CDK14: variants seen among roughly 807,000 people sequenced by gnomAD.
CDK14 encodes the protein cyclin-dependent kinase 14.
Under a neutral mutation model 60.7 loss-of-function variants are expected in CDK14, and 34 were observed. The ratio of observed to expected loss-of-function variants is 0.56; its 90% CI spans 0.43 to 0.75. The LOEUF (loss-of-function observed/expected upper bound fraction) is 0.75. CDK14 is among the 30% of genes least tolerant of loss of function. The probability of loss-of-function intolerance (pLI) is 0.00; values close to 1 mark genes in which losing one functional copy is unlikely to be tolerated. For synonymous variants in CDK14, 197 were observed against 203.7 expected (o/e 0.97, Z 0.28); for missense variants, 482 against 564.1 (o/e 0.85, Z 1.47).
intron 3 of CDK14, among the ~76,000 whole-genome samples, chr7:90,734,162 T>C (rs550756701): frequency 2.6e-5 from 4 of 152,386 alleles, no homozygotes; most frequent in Middle Eastern, 6.8e-3. Flanking sequence ...CTTGTAGGGT[T>C]TCTGCTGAGA....
At chr7:90,703,437 G>T (rs188644430) in intron 2 of CDK14, among the ~76,000 whole-genome samples, 9 of 152,214 alleles carry the variant, frequency 5.9e-5, no homozygotes, top group African/African-American at 2.2e-4. Flanking sequence ...AAACTGTGCC[G>T]TGCCCATGTG....
intron 2 of CDK14, among the ~76,000 whole-genome samples, chr7:90,643,891 A>AAATC (rs1800402950): frequency 6.6e-6 from 1 of 152,316 alleles, no homozygotes; most frequent in Non-Finnish European, 1.5e-5. Flanking sequence ...GAAACGATAT[A>AAATC]AATCAGATGG....
At chr7:90,754,455 C>T (rs1803975532) in intron 4 of CDK14, among the ~76,000 whole-genome samples, 1 of 152,154 alleles carries the variant, frequency 6.6e-6, no homozygotes, top group Non-Finnish European at 1.5e-5. Context: ...GGATCCCTCC[C>T]TTTCACCATA....
intron 12 of CDK14, 45 bp from the exon 13 acceptor site, chr7:91,112,497 A>C: frequency 6.4e-7 from 1 of 1,571,052 alleles, no homozygotes; most frequent in Non-Finnish European, 8.7e-7. Context: ...TATTTAGTGG[A>C]TTTTCTTGTT....
chr7:90,719,207 A>G (rs58617587), intron 2 of CDK14, among the ~76,000 whole-genome samples: 23,830 of 152,154 alleles, frequency 0.16, 1,973 homozygotes, highest in South Asian at 0.18. Flanking sequence ...TCAAAAGAGC[A>G]TGACCTAGCT....
intron 10 of CDK14, among the ~76,000 whole-genome samples, chr7:91,026,236 A>G (rs1052422559): frequency 6.6e-6 from 1 of 152,174 alleles, no homozygotes; most frequent in Non-Finnish European, 1.5e-5. Flanking sequence ...CGGAGAGACA[A>G]TGAGGAGAGC....
chr7:90,847,926 C>T (rs1375929606), intron 5 of CDK14, among the ~76,000 whole-genome samples: 1 of 152,166 alleles, frequency 6.6e-6, no homozygotes, highest in Non-Finnish European at 1.5e-5. Flanking sequence ...ACCACAATAA[C>T]TCTGACCTCA....
intron 10 of CDK14, among the ~76,000 whole-genome samples, chr7:90,995,157 G>A (rs907713335): frequency 6.6e-6 from 1 of 152,128 alleles, no homozygotes; most frequent in African/African-American, 2.4e-5. Context: ...GAGACTAGGT[G>A]ACAAAATGAT....
At chr7:90,607,264 A>G (rs563819286) in intron 2 of CDK14, among the ~76,000 whole-genome samples, 11 of 152,198 alleles carry the variant, frequency 7.2e-5, no homozygotes, top group Non-Finnish European at 1.6e-4. Flanking sequence ...GGGGAACTCT[A>G]CAGTCCATTG....
intron 12 of CDK14, chr7:91,107,813 T>C (rs2116336097): frequency 6.6e-6 from 1 of 152,370 alleles, no homozygotes; most frequent in Non-Finnish European, 1.5e-5. Flanking sequence ...GGCTACCTGA[T>C]GCAATTGCTT....
chr7:90,619,450 T>C (rs1799722329), intron 2 of CDK14, among the ~76,000 whole-genome samples: 1 of 152,250 alleles, frequency 6.6e-6, no homozygotes, highest in African/African-American at 2.4e-5. Context: ...TTTTGTCTCT[T>C]GATACCTGCA....
intron 2 of CDK14, among the ~76,000 whole-genome samples, chr7:90,627,490 G>A (rs1298258559): frequency 1.3e-5 from 2 of 152,154 alleles, no homozygotes; most frequent in African/African-American, 2.4e-5. Flanking sequence ...TGGGATTACA[G>A]GCATGAGCCA....
At chr7:90,889,684 G>A (rs1251049428) in intron 6 of CDK14, among the ~76,000 whole-genome samples, 2 of 152,216 alleles carry the variant, frequency 1.3e-5, no homozygotes, top group African/African-American at 2.4e-5. Context: ...TAGGGAATAT[G>A]TATGTGGTAT....
At chr7:90,853,557 A>G (rs1029956328) in intron 5 of CDK14, among the ~76,000 whole-genome samples, 3 of 152,080 alleles carry the variant, frequency 2.0e-5, no homozygotes, top group African/African-American at 4.8e-5. Context: ...CACCATAAAC[A>G]TGCTACCCCT....
chr7:90,659,837 T>TTCAC (rs760533813), intron 2 of CDK14, among the ~76,000 whole-genome samples: 1 of 110,466 alleles, frequency 9.1e-6, no homozygotes, highest in African/African-American at 3.7e-5. Flanking sequence ...CAGGGAATGC[T>TTCAC]TCTCTCTCTC....
At chr7:90,631,419 G>T (rs1470055195) in intron 2 of CDK14, among the ~76,000 whole-genome samples, 2 of 152,200 alleles carry the variant, frequency 1.3e-5, no homozygotes, top group African/African-American at 4.8e-5. Context: ...ATGAGGTAGA[G>T]TGGGGAAGTA....
At chr7:91,146,945 A>G (rs1016315295) in intron 14 of CDK14, among the ~76,000 whole-genome samples, 1 of 152,132 alleles carries the variant, frequency 6.6e-6, no homozygotes. Flanking sequence ...TTCTATTTCT[A>G]CAATTTTATG....
chr7:90,663,671 A>G (rs1262641197), intron 2 of CDK14, among the ~76,000 whole-genome samples: 1 of 152,202 alleles, frequency 6.6e-6, no homozygotes, highest in Non-Finnish European at 1.5e-5. Flanking sequence ...TTTGGTTTTA[A>G]TAAAACAAAA....
chr7:90,880,615 C>A (rs1791715604), intron 6 of CDK14, among the ~76,000 whole-genome samples: 1 of 152,148 alleles, frequency 6.6e-6, no homozygotes, highest in Non-Finnish European at 1.5e-5. Context: ...TGCTCCCATG[C>A]CACCCAACTG....
Sources: gnomAD v4.1 joint callset for allele counts (sites outside exome capture counted in the v4.1 genomes callset) on GRCh38, gnomAD v4.1.1 for gene constraint, MANE v1.5 for transcripts, NCBI Gene and HGNC (gene_info 2026-07-23, HGNC 2026-07-21) for gene names.